Variants in TRA2B observed in about 807,000 individuals in gnomAD.
TRA2B encodes transformer 2 beta homolog, also known as transformer-2 protein homolog beta.
In TRA2B, 14 loss-of-function variants were observed where a neutral mutation model predicts 41.7. That is an observed-to-expected ratio of 0.34 (90% CI 0.22 to 0.53). The LOEUF (loss-of-function observed/expected upper bound fraction) is 0.53, where lower values mean the gene tolerates loss of function less well. Among genes scored for constraint, TRA2B ranks in the 20% least tolerant of loss-of-function variants. The pLI, the probability that TRA2B is intolerant of heterozygous loss-of-function variation, is 0.95. For missense variants in TRA2B, 167 were observed against 396.8 expected (o/e 0.42, Z 4.92); for synonymous variants, 130 against 128.8 (o/e 1.01, Z -0.06).
chr3:185,920,797 G>A (rs941763123), intron 6 of TRA2B, among the ~76,000 whole-genome samples: 3 of 151,962 alleles, frequency 2.0e-5, no homozygotes, highest in African/African-American at 4.8e-5. Flanking sequence ...CTGAAGTGTT[G>A]GGATTACAGG....
At chr3:185,918,545 G>C (rs1270217976) in intron 7 of TRA2B, 107 bp from the exon 8 acceptor site, 1 of 644,268 alleles carries the variant, frequency 1.6e-6, no homozygotes, top group Non-Finnish European at 2.6e-6. Context: ...CCCAAAAAAG[G>C]AAAGCTGCAT....
intron 2 of TRA2B, 124 bp downstream of exon 2, chr3:185,926,477 C>G: frequency 1.5e-6 from 2 of 1,321,604 alleles, no homozygotes; most frequent in Non-Finnish European, 2.1e-6. Flanking sequence ...CTTAAGTTCA[C>G]TTCTAGTACC....
intron 4 of TRA2B, 126 bp from the exon 5 acceptor site, chr3:185,922,252 C>T (rs1378832582): frequency 1.4e-5 from 8 of 567,334 alleles, no homozygotes; most frequent in Middle Eastern, 5.4e-4. Flanking sequence ...TTAGCCAGAA[C>T]GTAAGGTCTA....
At chr3:185,929,426 A>G (rs1012433234) in intron 1 of TRA2B, among the ~76,000 whole-genome samples, 1 of 152,192 alleles carries the variant, frequency 6.6e-6, no homozygotes, top group African/African-American at 2.4e-5. Flanking sequence ...TCAACACATT[A>G]AAACCACACC....
intron 2 of TRA2B, among the ~76,000 whole-genome samples, 156 bp from the exon 3 acceptor site, chr3:185,925,782 T>C (rs1444547701): frequency 6.6e-6 from 1 of 152,252 alleles, no homozygotes; most frequent in Non-Finnish European, 1.5e-5. Flanking sequence ...TCTCTAATTA[T>C]TTAGTCATTT....
rs1409222758 is a variant in TRA2B, at chr3:185,915,081, G to C, written c.*2634C>G. On this transcript the variant is annotated 3_prime_UTR_variant, in exon 9 of 9. Transcript: ENST00000453386. ...TCCCTCTCAAGCGCACTTCACAATA[G>C]GATTCCTGCTATGAAAATCTGCTGT... Among the ~76,000 whole-genome samples, 1 of 152,156 alleles carries C rather than the reference G, an allele frequency of 6.6e-6. No homozygotes were observed. Among genetic ancestry groups the C allele is most frequent in the Non-Finnish European group, 1.5e-5 (1 of 68,020 alleles).
intron 2 of TRA2B, among the ~76,000 whole-genome samples, chr3:185,926,246 C>G (rs1406990701): frequency 6.6e-6 from 1 of 150,942 alleles, no homozygotes; most frequent in African/African-American, 2.4e-5. Flanking sequence ...ATTCTAATTA[C>G]TGAAAGCCAA....
chr3:185,920,589 C>CTG (rs1743688401), intron 6 of TRA2B, among the ~76,000 whole-genome samples: 1 of 152,004 alleles, frequency 6.6e-6, no homozygotes, highest in African/African-American at 2.4e-5. Flanking sequence ...GTCTCTCGCT[C>CTG]TGTTGCCTAC....
chr3:185,918,226 C>CA, intron 8 of TRA2B, 139 bp downstream of exon 8: 2 of 609,128 alleles, frequency 3.3e-6, no homozygotes, highest in Non-Finnish European at 5.4e-6. Context: ...TTTCTTGAAC[C>CA]AAAAAATGTT....
At chr3:185,935,482 GGGGA>G (rs1406565352) in intron 1 of TRA2B, 1 of 985,312 alleles carries the variant, frequency 1.0e-6, no homozygotes, top group African/African-American at 1.7e-5. Flanking sequence ...CAACCTTAAA[GGGGA>G]GGGACACAAC....
rs1167306214 is a variant in TRA2B at position 185,915,272 on chromosome 3, A to G, written c.*2443T>C. On this transcript the variant is annotated 3_prime_UTR_variant, in exon 9 of 9. Transcript: ENST00000453386. Reference sequence around the variant, plus strand: ...AGCCTAGTATAAAACTATTTAACTTAGCAATCTTCCAAATGAACTTTACAT... The same window carrying G: ...AGCCTAGTATAAAACTATTTAACTTGGCAATCTTCCAAATGAACTTTACAT... 6.6e-6 allele frequency among the ~76,000 whole-genome samples: 1 copy of G among 152,232 alleles called. No individual in the cohort carries two copies. Among genetic ancestry groups the G allele is most frequent in the Non-Finnish European group, 1.5e-5 (1 of 68,048 alleles).
rs540117459 is a variant in TRA2B, at chr3:185,917,386, C to T, written c.*329G>A. 5 of 301,054 alleles carry T rather than the reference C, an allele frequency of 1.7e-5. No homozygotes were observed. The highest frequency in any genetic ancestry group is 6.5e-5 in the African/African-American group (3 of 46,250). 18.6% of individuals were successfully genotyped at this position (301,054 alleles called of 1,614,324 possible). ...ATTTGGTAGCATTTTACACAGGCTT[C>T]GATCTTCAGAATACCCTGGATTCAG... On this transcript the variant is annotated 3_prime_UTR_variant, in exon 9 of 9. Coordinates refer to ENST00000453386, the MANE Select transcript of TRA2B (RefSeq NM_004593.3).
At chr3:185,927,363 A>G (rs955052686) in intron 1 of TRA2B, 5 of 152,264 alleles carry the variant, frequency 3.3e-5, no homozygotes, top group Non-Finnish European at 5.9e-5. Flanking sequence ...CCCCTAAAAA[A>G]CTGAAAGCAA....
rs146248619 is a variant in TRA2B, at chr3:185,918,740, G to A, written c.783-302C>T. On this transcript the variant is annotated intron_variant, in intron 7 of 8. Coordinates refer to ENST00000453386, the MANE Select transcript of TRA2B (RefSeq NM_004593.3). ...AGAAAATTCCTGGCTGGGTGCGGTG[G>A]CTCAACGCCTATAATCCCAGCACTT... 4.0e-3 allele frequency among the ~76,000 whole-genome samples: 614 copies of A among 152,238 alleles called. 3 individuals carry two copies. Among genetic ancestry groups the A allele is most frequent in the African/African-American group, 0.014 (599 of 41,550 alleles).
In TRA2B at chr3:185,937,292, C is replaced by T. The variant is rs1286747814; in HGVS notation, c.36+533G>A. 3 of 986,892 alleles carry T rather than the reference C, an allele frequency of 3.0e-6. No homozygotes were observed. In the East Asian group the frequency reaches 3.4e-4, roughly 112 times the overall value. 61.1% of individuals were successfully genotyped at this position (986,892 alleles called of 1,614,324 possible). A position where few individuals can be genotyped will look rare whatever the true frequency, so the allele number is the denominator to read the frequency against. ...TCCGTCCTTTCCGTGGAGGCAAAGA[C>T]GGTCCTTCGTTAACCTAAACACCGG... On this transcript the variant is annotated intron_variant, in intron 1 of 8. Coordinates refer to ENST00000453386, the MANE Select transcript of TRA2B (RefSeq NM_004593.3).
rs749165836 is a variant in TRA2B, at chr3:185,915,236, A to T, written c.*2479T>A. On this transcript the variant is annotated 3_prime_UTR_variant, in exon 9 of 9. Transcript: ENST00000453386. ...CTGGGACCCTGTTGATTTCCTGAGA[A>T]GTTTCACAAAAGCCTAGTATAAAAC... Among the ~76,000 whole-genome samples the T allele has an allele frequency of 6.6e-6, 1 of 152,208 alleles. No individual in the cohort carries two copies. Among genetic ancestry groups the T allele is most frequent in the Non-Finnish European group, 1.5e-5 (1 of 68,034 alleles).
At chr3:185,924,034 A>G in intron 3 of TRA2B, 50 bp from the exon 4 acceptor site, 1 of 1,540,230 alleles carries the variant, frequency 6.5e-7, no homozygotes, top group Non-Finnish European at 8.7e-7. Flanking sequence ...CATAAAATCA[A>G]AGTTGTTTAA....
intron 1 of TRA2B, chr3:185,936,600 A>G (rs755460572): frequency 1.8e-5 from 18 of 984,542 alleles, no homozygotes; most frequent in Non-Finnish European, 2.2e-5. Context: ...GACATTTAAT[A>G]GTCTTATTTA....
intron 1 of TRA2B, among the ~76,000 whole-genome samples, chr3:185,929,816 TACTTG>T (rs1237326846): frequency 6.6e-6 from 1 of 152,248 alleles, no homozygotes; most frequent in Non-Finnish European, 1.5e-5. Flanking sequence ...AAGTCTGACT[TACTTG>T]ACTTAGTCAA....
Sources: gnomAD v4.1 joint callset for allele counts (sites outside exome capture counted in the v4.1 genomes callset) on GRCh38, gnomAD v4.1.1 for gene constraint, MANE v1.5 for transcripts, NCBI Gene and HGNC (gene_info 2026-07-23, HGNC 2026-07-21) for gene names.